DYM: variants seen among roughly 807,000 people sequenced by gnomAD.
DYM encodes dyggve-Melchior-Clausen syndrome protein.
Under a neutral mutation model 93.1 loss-of-function variants are expected in DYM, and 78 were observed. The observed-to-expected ratio is 0.84, with a 90% confidence interval of 0.70 to 1.01. DYM has a LOEUF of 1.01. Among genes scored for constraint, DYM ranks in the 50% least tolerant of loss-of-function variants. DYM has a pLI of 0.00. For synonymous variants in DYM, 321 were observed against 319.7 expected, an observed-to-expected ratio of 1.00 and a Z score of -0.04; for missense variants, 789 against 845.0, an observed-to-expected ratio of 0.93 and a Z score of 0.82.
At chr18:49,437,504 A>G (rs1355923891) in intron 1 of DYM, among the ~76,000 whole-genome samples, 1 of 152,222 alleles carries the variant, frequency 6.6e-6, no homozygotes, top group Non-Finnish European at 1.5e-5. Flanking sequence ...AGATATATAC[A>G]TTACTTATAT....
chr18:49,054,177 G>A (rs945323426), intron 17 of DYM, among the ~76,000 whole-genome samples: 1 of 152,224 alleles, frequency 6.6e-6, no homozygotes, highest in African/African-American at 2.4e-5. Context: ...ACTGGTCTAT[G>A]AATAACATCA....
chr18:49,271,597 G>A (rs1445508149), intron 11 of DYM, among the ~76,000 whole-genome samples: 1 of 151,940 alleles, frequency 6.6e-6, no homozygotes, highest in Non-Finnish European at 1.5e-5. Context: ...GGGTGAACAT[G>A]GGTCTGTTAT....
At chr18:49,225,724 T>C (rs118088489) in intron 13 of DYM, among the ~76,000 whole-genome samples, 1,907 of 152,206 alleles carry the variant, frequency 0.013, 21 homozygotes, top group South Asian at 0.039. Flanking sequence ...TCATATTCTC[T>C]GCTGATTTCA....
Position 49,311,308 on chromosome 18 carries a change from C to T in DYM, c.763+20556G>A, listed in dbSNP as rs79246480. 6.1e-3 allele frequency among the ~76,000 whole-genome samples: 926 copies of T among 152,198 alleles called. 11 individuals carry two copies. Among genetic ancestry groups the T allele is most frequent in the African/African-American group, 0.021 (858 of 41,504 alleles). On this transcript the variant is annotated intron_variant, in intron 8 of 17. Coordinates refer to ENST00000675505, the MANE Select transcript of DYM (RefSeq NM_001353214.3). ...AATCTTATTATCAGTGAGATCCACA[C>T]CAAGAGTATAAATAAGAGAGCCAAC...
intron 8 of DYM, among the ~76,000 whole-genome samples, chr18:49,302,590 AG>A (rs2061002108): frequency 6.6e-6 from 1 of 152,196 alleles, no homozygotes; most frequent in Non-Finnish European, 1.5e-5. Context: ...ATCATACTCA[AG>A]GAACTGTTGA....
intron 13 of DYM, among the ~76,000 whole-genome samples, chr18:49,212,806 T>A (rs2092845249): frequency 6.6e-6 from 1 of 152,132 alleles, no homozygotes; most frequent in African/African-American, 2.4e-5. Context: ...CTAATTTATT[T>A]TTAATCTGAA....
Position 49,097,395 on chromosome 18 carries a change from T to C in DYM, c.2025+7A>G. On this transcript the variant is annotated splice_region_variant and intron_variant, in intron 17 of 17. Coordinates refer to ENST00000675505, the MANE Select transcript of DYM (RefSeq NM_001353214.3). ...GTGTCAAGTGGACATTTCTTTAGCC[T>C]TCTTACCTTCAGTCTGTCTTTGGGC... 3.1e-6 allele frequency: 5 copies of C among 1,613,642 alleles called. No individual in the cohort carries two copies. The highest frequency in any genetic ancestry group is 4.2e-6 in the Non-Finnish European group (5 of 1,179,640).
chr18:49,326,885 T>C (rs1328291256), intron 8 of DYM, among the ~76,000 whole-genome samples: 1 of 152,160 alleles, frequency 6.6e-6, no homozygotes, highest in African/African-American at 2.4e-5. Context: ...GTAAGTATAC[T>C]GTGGTAGCAT....
chr18:49,292,592 G>GAAAAAAAAAAAAA (rs72415237), intron 8 of DYM, among the ~76,000 whole-genome samples: 8 of 78,778 alleles, frequency 1.0e-4, no homozygotes, highest in African/African-American at 1.7e-4. Context: ...TTTCCTGTTG[G>GAAAAAAAAAAAAA]AAAAAAAAAA....
chr18:49,135,409 A>G (rs2083751029), intron 15 of DYM, among the ~76,000 whole-genome samples: 1 of 152,172 alleles, frequency 6.6e-6, no homozygotes, highest in Non-Finnish European at 1.5e-5. Context: ...TCCTTGTTCT[A>G]CTATTTACTG....
chr18:49,195,640 G>A (rs1435672883), intron 14 of DYM, among the ~76,000 whole-genome samples: 1 of 152,110 alleles, frequency 6.6e-6, no homozygotes, highest in Non-Finnish European at 1.5e-5. Flanking sequence ...CAACACTATA[G>A]ATACAACCAC....
Position 49,053,573 on chromosome 18 carries a change from G to A in DYM, c.2026-9369C>T, listed in dbSNP as rs185128072. ...TGTTGGCAGATGGCGCAGGTCGGGA[G>A]TGATGGGTTAGTGACTACAGACAGC... On this transcript the variant is annotated intron_variant, in intron 17 of 17. Coordinates refer to ENST00000675505, the MANE Select transcript of DYM (RefSeq NM_001353214.3). 6.4e-4 allele frequency among the ~76,000 whole-genome samples: 98 copies of A among 152,348 alleles called. No homozygotes were observed. In the East Asian group the frequency reaches 0.014, roughly 21 times the overall value.
At chr18:49,446,914 C>T (rs1282981406) in intron 1 of DYM, among the ~76,000 whole-genome samples, 3 of 152,016 alleles carry the variant, frequency 2.0e-5, no homozygotes, top group Non-Finnish European at 4.4e-5. Context: ...CAAAAATTAG[C>T]TGGGTGTGGT....
At chr18:49,182,465 T>C (rs1246006470) in intron 14 of DYM, among the ~76,000 whole-genome samples, 1 of 152,214 alleles carries the variant, frequency 6.6e-6, no homozygotes, top group Non-Finnish European at 1.5e-5. Context: ...GTGTATGTTA[T>C]AAAGTACACA....
At chr18:49,073,226 T>C (rs2077033347) in intron 17 of DYM, among the ~76,000 whole-genome samples, 1 of 152,236 alleles carries the variant, frequency 6.6e-6, no homozygotes, top group Admixed American at 6.5e-5. Context: ...TGAGTATCTT[T>C]ATGTTTAAGT....
intron 6 of DYM, among the ~76,000 whole-genome samples, chr18:49,334,198 T>C (rs549909708): frequency 6.6e-6 from 1 of 152,330 alleles, no homozygotes; most frequent in East Asian, 1.9e-4. Flanking sequence ...TGTTTAGTGA[T>C]AATACAGAGA....
intron 1 of DYM, among the ~76,000 whole-genome samples, chr18:49,444,821 T>C (rs544434572): frequency 1.3e-5 from 2 of 152,302 alleles, no homozygotes; most frequent in African/African-American, 4.8e-5. Flanking sequence ...ATGAATATGC[T>C]CTATTAAAAC....
intron 16 of DYM, among the ~76,000 whole-genome samples, chr18:49,104,184 G>A (rs1455060764): frequency 6.6e-6 from 1 of 152,036 alleles, no homozygotes; most frequent in African/African-American, 2.4e-5. Flanking sequence ...ATTGTGAATG[G>A]GAGTTCACTC....
intron 17 of DYM, among the ~76,000 whole-genome samples, chr18:49,095,018 T>G (rs2079418380): frequency 6.6e-6 from 1 of 152,244 alleles, no homozygotes; most frequent in African/African-American, 2.4e-5. Context: ...GAGGGCTTAT[T>G]AAGACAGCAT....
Sources: allele counts gnomAD v4.1 joint callset (sites outside exome capture counted in the v4.1 genomes callset), GRCh38; gene constraint gnomAD v4.1.1; transcripts MANE v1.5; gene names NCBI Gene and HGNC (gene_info 2026-07-23, HGNC 2026-07-21).